PRR5L: variants seen among roughly 807,000 people sequenced by gnomAD.
PRR5L encodes proline-rich protein 5-like.
PRR5L carries 21 observed loss-of-function variants against 36.4 expected under a neutral mutation model. The ratio of observed to expected loss-of-function variants is 0.58; its 90% CI spans 0.41 to 0.83. The LOEUF (loss-of-function observed/expected upper bound fraction) is 0.83. Ranked by LOEUF, PRR5L falls within the 40% of genes least tolerant of loss-of-function variation. PRR5L has a pLI of 0.00. For missense variants in PRR5L, 381 were observed against 473.3 expected, an observed-to-expected ratio of 0.80 and a Z score of 1.81; for synonymous variants, 188 against 197.0, an observed-to-expected ratio of 0.95 and a Z score of 0.38.
intron 8 of PRR5L, among the ~76,000 whole-genome samples, chr11:36,459,616 C>T (rs747267639): frequency 6.6e-6 from 1 of 152,184 alleles, no homozygotes; most frequent in Non-Finnish European, 1.5e-5. Flanking sequence ...TTAGTTTCCC[C>T]ATCTGTAAGG....
intron 1 of PRR5L, among the ~76,000 whole-genome samples, chr11:36,348,597 G>C (rs1565404455): frequency 6.6e-6 from 1 of 152,178 alleles, no homozygotes; most frequent in Non-Finnish European, 1.5e-5. Context: ...AATCTCACAT[G>C]GCTGTGTCAT....
rs546401680 is a variant in PRR5L at position 36,319,114 on chromosome 11, C to G, written c.-126+22676C>G. Among the ~76,000 whole-genome samples the G allele has an allele frequency of 5.3e-5, 8 of 152,228 alleles. No individual in the cohort carries two copies. The South Asian group carries it at 1.7e-3, about 32-fold the overall frequency. ...AAAGGGGATAAAGGAAATTTAGGAG[C>G]AGAAGCAAGCACTCTGAGCTCCTGC... On this transcript the variant is annotated intron_variant, in intron 1 of 8. Transcript: ENST00000530639.
At chr11:36,362,579 T>C (rs1022901168) in intron 1 of PRR5L, among the ~76,000 whole-genome samples, 1 of 152,060 alleles carries the variant, frequency 6.6e-6, no homozygotes, top group Non-Finnish European at 1.5e-5. Context: ...AGAATGTTTT[T>C]CTAGCACTTC....
chr11:36,460,344 C>T lies in PRR5L; in HGVS notation c.713-1998C>T, dbSNP rs564983078. ...CAGACGCGATGTGGCCAGGACCCGG[C>T]GCTGGGTCTCACAAGCTGCCTCCTC... is the stretch of plus-strand genomic sequence containing the variant. On this transcript the variant is annotated intron_variant, in intron 8 of 8. Transcript: ENST00000530639. Among the ~76,000 whole-genome samples the T allele has an allele frequency of 8.5e-5, 13 of 152,234 alleles. No homozygotes were observed. The South Asian group carries it at 2.1e-3, about 24-fold the overall frequency.
At position 36,326,302 on chromosome 11, in the gene PRR5L, TACACACACAC is replaced by T. The variant is rs3083243; in HGVS notation, c.-126+29890_-126+29899del. 1.4e-3 allele frequency among the ~76,000 whole-genome samples: 208 copies of T among 147,376 alleles called. 1 individual carries two copies. Among genetic ancestry groups the T allele is most frequent in the East Asian group, 4.6e-3 (23 of 5,012 alleles). The stretch of plus-strand genomic sequence containing the variant: ...CACTTTAGTGTGTCTCCCCAATAGA[TACACACACAC>T]ACACACACACACACACACACACACA... On this transcript the variant is annotated intron_variant, in intron 1 of 8. Coordinates refer to ENST00000530639, the MANE Select transcript of PRR5L (RefSeq NM_001160167.2).
chr11:36,315,407 T>C (rs2121398), intron 1 of PRR5L, among the ~76,000 whole-genome samples: 151,050 of 152,332 alleles, frequency 0.99, 74,910 homozygotes, highest in Middle Eastern at 1. Flanking sequence ...TTGGAAATCC[T>C]GATGTTATTT....
chr11:36,450,623 G>C (rs1858923974), intron 7 of PRR5L, among the ~76,000 whole-genome samples: 1 of 152,140 alleles, frequency 6.6e-6, no homozygotes, highest in African/African-American at 2.4e-5. Context: ...TTATAGCCCT[G>C]AACTTTTCCA....
chr11:36,460,929 G>A (rs1476940380), intron 8 of PRR5L, among the ~76,000 whole-genome samples: 2 of 152,278 alleles, frequency 1.3e-5, no homozygotes, highest in Non-Finnish European at 1.5e-5. Flanking sequence ...CCCCTTTACC[G>A]CTTCTGGGAG....
At chr11:36,432,166 TTG>T in intron 5 of PRR5L, among the ~76,000 whole-genome samples, 2 of 141,148 alleles carry the variant, frequency 1.4e-5, no homozygotes, top group African/African-American at 5.6e-5. Context: ...TTTTTTTGTT[TTG>T]TTTTTGTTTT....
chr11:36,398,550 A>G (rs1258170601), intron 1 of PRR5L: 3 of 152,322 alleles, frequency 2.0e-5, no homozygotes, highest in Non-Finnish European at 4.4e-5. Flanking sequence ...TTCAGCTGTC[A>G]GGATTGAGAG....
chr11:36,325,808 AT>A (rs1856656507), intron 1 of PRR5L, among the ~76,000 whole-genome samples: 1 of 152,168 alleles, frequency 6.6e-6, no homozygotes, highest in Non-Finnish European at 1.5e-5. Context: ...ACTAATTTTT[AT>A]TGATGGCAAT....
At chr11:36,343,000 G>T (rs1297795807) in intron 1 of PRR5L, among the ~76,000 whole-genome samples, 1 of 152,178 alleles carries the variant, frequency 6.6e-6, no homozygotes, top group Non-Finnish European at 1.5e-5. Flanking sequence ...AGAACAATTT[G>T]ATGTTTCGAG....
intron 1 of PRR5L, among the ~76,000 whole-genome samples, chr11:36,334,223 G>A (rs1414215387): frequency 1.4e-4 from 21 of 152,204 alleles, no homozygotes; most frequent in Admixed American, 1.4e-3. Context: ...TTGGGTCCCG[G>A]GGAAATTTCA....
intron 8 of PRR5L, among the ~76,000 whole-genome samples, chr11:36,457,423 G>A (rs1382162326): frequency 6.6e-6 from 1 of 151,966 alleles, no homozygotes; most frequent in Non-Finnish European, 1.5e-5. Flanking sequence ...TGGCTAACAC[G>A]GTGAAACCCT....
chr11:36,381,925 G>A lies in PRR5L; in HGVS notation c.-125-19072G>A, dbSNP rs141814531. Among the ~76,000 whole-genome samples, 536 of 152,168 alleles carry A rather than the reference G, an allele frequency of 3.5e-3. 2 individuals carry two copies. The highest frequency in any genetic ancestry group is 5.3e-3 in the Non-Finnish European group (359 of 68,000). On this transcript the variant is annotated intron_variant, in intron 1 of 8. Transcript: ENST00000530639. ...TGTAATCCCAGCACTTTGGGAGGCC[G>A]AGGCGGGTGGATCATGAGGTCAGGA...
chr11:36,459,242 G>A (rs552641752), intron 8 of PRR5L, among the ~76,000 whole-genome samples: 6 of 152,212 alleles, frequency 3.9e-5, no homozygotes, highest in Non-Finnish European at 8.8e-5. Context: ...ACTGCCTCAA[G>A]AGGAGCATGA....
At chr11:36,423,124 A>G (rs1858306462) in intron 4 of PRR5L, among the ~76,000 whole-genome samples, 1 of 152,158 alleles carries the variant, frequency 6.6e-6, no homozygotes, top group Admixed American at 6.5e-5. Context: ...CTTGATATAG[A>G]AACTCAGGCT....
At chr11:36,375,411 C>T (rs971534540) in intron 1 of PRR5L, among the ~76,000 whole-genome samples, 1 of 152,006 alleles carries the variant, frequency 6.6e-6, no homozygotes, top group Non-Finnish European at 1.5e-5. Context: ...CTTCTTCAAC[C>T]CGCTCTCATG....
chr11:36,330,402 C>T (rs1856706647), intron 1 of PRR5L, among the ~76,000 whole-genome samples: 2 of 152,120 alleles, frequency 1.3e-5, no homozygotes, highest in South Asian at 2.1e-4. Flanking sequence ...TTAATGAACC[C>T]CTATCTCCTC....
Sources: allele counts gnomAD v4.1 joint callset (sites outside exome capture counted in the v4.1 genomes callset), GRCh38; gene constraint gnomAD v4.1.1; transcripts MANE v1.5; gene names NCBI Gene and HGNC (gene_info 2026-07-23, HGNC 2026-07-21).